The following MGRN1 variants were observed in gnomAD, a reference collection of about 807,000 sequenced individuals.
The protein encoded by MGRN1 is mahogunin ring finger 1, also known as E3 ubiquitin-protein ligase MGRN1.
A neutral mutation model predicts 69.2 loss-of-function variants in MGRN1; 29 were observed. The ratio of observed to expected loss-of-function variants is 0.42; its 90% CI spans 0.31 to 0.57. MGRN1 has a LOEUF of 0.57. Ranked by LOEUF, MGRN1 falls within the 20% of genes least tolerant of loss-of-function variation. MGRN1 has a pLI of 0.15. For missense variants in MGRN1, 998 were observed against 796.2 expected (o/e 1.25, Z -3.05); for synonymous variants, 470 against 344.2 (o/e 1.37, Z -4.04).
chr16:4,677,347 G>A (rs565896723), intron 10 of MGRN1, 116 bp from the exon 11 acceptor site: 4 of 579,882 alleles, frequency 6.9e-6, no homozygotes, highest in East Asian at 3.4e-5. Flanking sequence ...ATCTGGAAGC[G>A]GGGTCACCCC....
chr16:4,647,206 G>C (rs183912343), intron 1 of MGRN1, among the ~76,000 whole-genome samples: 2 of 152,342 alleles, frequency 1.3e-5, no homozygotes, highest in African/African-American at 4.8e-5. Flanking sequence ...GCACATCTTG[G>C]AGGAGCAGGC....
At chr16:4,639,410 C>T (rs575465413) in intron 1 of MGRN1, among the ~76,000 whole-genome samples, 22 of 152,304 alleles carry the variant, frequency 1.4e-4, no homozygotes, top group Middle Eastern at 6.8e-3. Context: ...TGTGGAATCA[C>T]TGGTCTGCAG....
chr16:4,684,344 G>A (rs1430803098), intron 16 of MGRN1, among the ~76,000 whole-genome samples: 1 of 152,222 alleles, frequency 6.6e-6, no homozygotes, highest in Admixed American at 6.5e-5. Context: ...TGGGCCCACA[G>A]GCCCCATGCT....
intron 5 of MGRN1, chr16:4,664,141 A>C (rs546779853): frequency 1.9e-5 from 3 of 158,918 alleles, no homozygotes; most frequent in African/African-American, 7.2e-5. Context: ...TGTCCGTCGC[A>C]AAGGAACGCG....
At chr16:4,639,086 A>G (rs1363763593) in intron 1 of MGRN1, among the ~76,000 whole-genome samples, 1 of 152,154 alleles carries the variant, frequency 6.6e-6, no homozygotes, top group South Asian at 2.1e-4. Flanking sequence ...CTGACTGTCA[A>G]ACACCAGTAA....
chr16:4,630,048 C>CA (rs1166734489), intron 1 of MGRN1, among the ~76,000 whole-genome samples: 2,840 of 43,596 alleles, frequency 0.065, 127 homozygotes, highest in East Asian at 0.1. Context: ...GACACCATCT[C>CA]AAAAAAAAAA....
At chr16:4,672,459 A>C in intron 9 of MGRN1, 1 of 456,748 alleles carries the variant, frequency 2.2e-6, no homozygotes, top group Non-Finnish European at 4.4e-6. Context: ...GGACAACTGG[A>C]GCAGCTCCAC....
intron 16 of MGRN1, 106 bp from the exon 17 acceptor site, chr16:4,688,690 G>A (rs1416320345): frequency 2.1e-6 from 3 of 1,453,018 alleles, no homozygotes; most frequent in South Asian, 2.8e-5. Context: ...GGCGGGAGTG[G>A]GGGTGCTGGA....
rs573250604 is a variant in MGRN1 at position 4,668,133 on chromosome 16, T to C, written c.679-132T>C. ...GTCAAGTGGCCCCACCCTTTTTTTT[T>C]TTTTTCTTTTTTCTTTTTCCAGCTG... On this transcript the variant is annotated intron_variant, in intron 7 of 16. Transcript: ENST00000262370. 699 of 614,772 alleles carry C rather than the reference T, an allele frequency of 1.1e-3. 5 individuals carry two copies. Among genetic ancestry groups the C allele is most frequent in the Non-Finnish European group, 1.7e-3 (628 of 370,510 alleles). The allele number at this position is 614,772 out of a possible 1,614,324, so 38.1% of individuals were successfully genotyped here.
intron 1 of MGRN1, among the ~76,000 whole-genome samples, chr16:4,641,576 T>C (rs529171920): frequency 6.6e-6 from 1 of 150,724 alleles, no homozygotes; most frequent in South Asian, 2.1e-4. Context: ...TGGAGTGCAG[T>C]GGTGCAGTCT....
intron 5 of MGRN1, among the ~76,000 whole-genome samples, chr16:4,662,323 T>G (rs2078701490): frequency 6.6e-6 from 1 of 152,096 alleles, no homozygotes; most frequent in African/African-American, 2.4e-5. Flanking sequence ...GAGACCAGCT[T>G]GGCCAACATG....
chr16:4,685,621 G>T (rs2079294691), intron 16 of MGRN1, among the ~76,000 whole-genome samples: 1 of 152,246 alleles, frequency 6.6e-6, no homozygotes, highest in Admixed American at 6.5e-5. Flanking sequence ...ATGTGCCTTT[G>T]GGGGCTGTTT....
At chr16:4,658,379 C>A (rs1027633061) in intron 5 of MGRN1, among the ~76,000 whole-genome samples, 1 of 151,650 alleles carries the variant, frequency 6.6e-6, no homozygotes, top group African/African-American at 2.4e-5. Context: ...ACTAAAAATA[C>A]AAAAAAATTA....
intron 7 of MGRN1, among the ~76,000 whole-genome samples, chr16:4,666,280 C>T (rs1054908875): frequency 2.0e-5 from 3 of 152,154 alleles, no homozygotes; most frequent in Non-Finnish European, 4.4e-5. Context: ...AGGCATGCAC[C>T]ACCACGTCTG....
intron 1 of MGRN1, 95 bp downstream of exon 1, chr16:4,625,143 T>C: frequency 8.5e-7 from 1 of 1,182,406 alleles, no homozygotes; most frequent in Non-Finnish European, 1.1e-6. Flanking sequence ...GGCGCCCTGC[T>C]CGGCCCCCTC....
chr16:4,654,018 C>A (rs537987196), intron 4 of MGRN1, among the ~76,000 whole-genome samples: 1 of 152,332 alleles, frequency 6.6e-6, no homozygotes, highest in African/African-American at 2.4e-5. Context: ...TCCCAAAGTG[C>A]TGAGATTACA....
intron 16 of MGRN1, chr16:4,686,455 C>G: frequency 5.6e-6 from 8 of 1,425,550 alleles, no homozygotes; most frequent in African/African-American, 1.4e-5. Flanking sequence ...GAATCCAGAG[C>G]TCTCCAGTGG....
intron 5 of MGRN1, chr16:4,664,475 A>C: frequency 1.7e-6 from 1 of 583,468 alleles, no homozygotes; most frequent in South Asian, 2.0e-5. Context: ...ACTTTACTCA[A>C]CGCTGTTGAA....
At chr16:4,688,079 C>T (rs2079374201) in intron 16 of MGRN1, 1 of 985,410 alleles carries the variant, frequency 1.0e-6, no homozygotes, top group African/African-American at 1.7e-5. Flanking sequence ...TCGCCGCGGC[C>T]CCCGAAGAAA....
Sources: allele counts gnomAD v4.1 joint callset (sites outside exome capture counted in the v4.1 genomes callset), GRCh38; gene constraint gnomAD v4.1.1; transcripts MANE v1.5; gene names NCBI Gene and HGNC (gene_info 2026-07-23, HGNC 2026-07-21).